Variants in DGKI observed in about 807,000 individuals in gnomAD.
The protein encoded by DGKI is diacylglycerol kinase iota.
A neutral mutation model predicts 147.5 loss-of-function variants in DGKI; 55 were observed. The observed-to-expected ratio is 0.37, with a 90% CI of 0.30 to 0.47. The LOEUF is 0.47. Among genes scored for constraint, DGKI ranks in the 20% least tolerant of loss-of-function variants. The pLI is 1.00. For synonymous variants in DGKI, 469 were observed against 477.1 expected, an observed-to-expected ratio of 0.98 and a Z score of 0.22; for missense variants, 1,007 against 1,323.8, an observed-to-expected ratio of 0.76 and a Z score of 3.71.
At chr7:137,505,095 G>T (rs558737214) in intron 21 of DGKI, among the ~76,000 whole-genome samples, 10 of 149,430 alleles carry the variant, frequency 6.7e-5, no homozygotes, top group Admixed American at 3.3e-4. Flanking sequence ...ATAGACAAAG[G>T]GGGGGAACAT....
chr7:137,681,883 G>C (rs1823248988), intron 2 of DGKI, among the ~76,000 whole-genome samples: 1 of 152,260 alleles, frequency 6.6e-6, no homozygotes, highest in Admixed American at 6.5e-5. Context: ...CCCCCAGAGG[G>C]GCTAGAGGCT....
At chr7:137,500,539 TAA>T (rs1351393100) in intron 21 of DGKI, among the ~76,000 whole-genome samples, 10 of 152,286 alleles carry the variant, frequency 6.6e-5, no homozygotes, top group Admixed American at 5.2e-4. Context: ...AAAAAACTTT[TAA>T]AGTCTATATA....
At chr7:137,699,875 G>A (rs183092978) in intron 1 of DGKI, among the ~76,000 whole-genome samples, 9 of 152,234 alleles carry the variant, frequency 5.9e-5, no homozygotes, top group African/African-American at 1.7e-4. Flanking sequence ...CCCACACAAG[G>A]CTGTCAACTG....
intron 1 of DGKI, among the ~76,000 whole-genome samples, chr7:137,822,485 C>G (rs1293111771): frequency 6.6e-6 from 1 of 152,046 alleles, no homozygotes; most frequent in Non-Finnish European, 1.5e-5. Context: ...GTGGAGGATT[C>G]TTCTCTGAGA....
At position 137,391,248 on chromosome 7, in the gene DGKI, C is replaced by A. The variant is rs776811524; in HGVS notation, c.3146G>T (p.Gly1049Val). 6.2e-7 allele frequency: 1 copy of A among 1,613,966 alleles called. No homozygotes were observed. The highest frequency in any genetic ancestry group is 1.1e-5 in the South Asian group (1 of 91,078). ...LESRQNYKVI[G>V]HEDLETAV ...AACAGCAGTTTCCAGGTCCTCATGG[C>A]CAATGACCTTATAGTTCTGACGGCT... is the stretch of plus-strand genomic sequence containing the variant. The change falls in exon 33 of 33, where the codon GGC (glycine) becomes GTC (valine). Residue 1049 changes from glycine (G) to valine (V), a missense_variant. Gly to Val is a moderately radical substitution (Grantham distance 109, BLOSUM62 -3). This residue lies in a region of DGKI where 385 missense variants were observed against 445.2 expected (regional missense o/e 0.86). Coordinates refer to ENST00000614521, the MANE Select transcript of DGKI (RefSeq NM_001321708.2).
At chr7:137,407,531 C>A (rs1168918955) in intron 30 of DGKI, among the ~76,000 whole-genome samples, 1 of 152,048 alleles carries the variant, frequency 6.6e-6, no homozygotes, top group East Asian at 1.9e-4. Context: ...GAATCCCAAC[C>A]CATTAATTTA....
At chr7:137,615,686 A>G (rs1004391876) in intron 8 of DGKI, among the ~76,000 whole-genome samples, 7 of 147,704 alleles carry the variant, frequency 4.7e-5, no homozygotes, top group Admixed American at 3.4e-4. Flanking sequence ...CCTCCAAATC[A>G]TGGCTAAAAC....
intron 1 of DGKI, among the ~76,000 whole-genome samples, chr7:137,715,707 A>G (rs148979691): frequency 2.2e-3 from 328 of 152,366 alleles, no homozygotes; most frequent in Non-Finnish European, 3.6e-3. Context: ...AGCAACAGGG[A>G]AAAGCATGTA....
intron 10 of DGKI, among the ~76,000 whole-genome samples, chr7:137,604,060 T>C (rs1418608789): frequency 6.6e-6 from 1 of 152,188 alleles, no homozygotes; most frequent in Non-Finnish European, 1.5e-5. Context: ...CAGGAGCTAG[T>C]TTGGGTCTTA....
intron 1 of DGKI, among the ~76,000 whole-genome samples, chr7:137,816,978 G>A (rs1797756216): frequency 1.3e-5 from 2 of 152,112 alleles, no homozygotes; most frequent in Non-Finnish European, 2.9e-5. Context: ...TAGCATCCCA[G>A]GAGTTATGAC....
chr7:137,466,890 A>C lies in DGKI; in HGVS notation c.2484+12T>G. On this transcript the variant is annotated intron_variant, in intron 25 of 32. Coordinates refer to ENST00000614521, the MANE Select transcript of DGKI (RefSeq NM_001321708.2). ...TTTTTCACTTTCACAAGCAGGCTGG[A>C]AAAAAACTTACCTGAGATCTGTCTA... is the stretch of plus-strand genomic sequence containing the variant. 6.2e-7 allele frequency: 1 copy of C among 1,613,844 alleles called. No individual in the cohort carries two copies. The highest frequency in any genetic ancestry group is 8.5e-7 in the Non-Finnish European group (1 of 1,179,760).
chr7:137,547,951 G>T (rs1021896345), intron 20 of DGKI, among the ~76,000 whole-genome samples: 2 of 152,136 alleles, frequency 1.3e-5, no homozygotes, highest in Non-Finnish European at 2.9e-5. Context: ...GCAAAACCAG[G>T]ATGATGTAGG....
chr7:137,398,835 T>C (rs1339980170), intron 30 of DGKI, among the ~76,000 whole-genome samples: 1 of 151,904 alleles, frequency 6.6e-6, no homozygotes. Context: ...CCTGGAACAT[T>C]ATTAGCATGC....
At chr7:137,410,831 G>A (rs1585087341) in intron 29 of DGKI, among the ~76,000 whole-genome samples, 1 of 152,226 alleles carries the variant, frequency 6.6e-6, no homozygotes, top group East Asian at 1.9e-4. Flanking sequence ...GGATGGTATG[G>A]GCTTAATCCA....
intron 7 of DGKI, among the ~76,000 whole-genome samples, chr7:137,621,305 T>C (rs187544882): frequency 6.6e-6 from 1 of 152,360 alleles, no homozygotes; most frequent in African/African-American, 2.4e-5. Context: ...CTCAAATGTA[T>C]GACCACTGCA....
chr7:137,521,488 A>G (rs1816959185), intron 21 of DGKI, among the ~76,000 whole-genome samples: 1 of 152,060 alleles, frequency 6.6e-6, no homozygotes, highest in African/African-American at 2.4e-5. Context: ...GAATGAGGGC[A>G]GTGTTTGATA....
intron 23 of DGKI, among the ~76,000 whole-genome samples, chr7:137,480,726 T>C (rs1428558255): frequency 6.6e-6 from 1 of 152,194 alleles, no homozygotes; most frequent in African/African-American, 2.4e-5. Context: ...AGTTAATTCT[T>C]AGAGAAAGTA....
intron 3 of DGKI, among the ~76,000 whole-genome samples, chr7:137,656,870 C>T (rs1185466575): frequency 2.0e-5 from 3 of 152,120 alleles, no homozygotes; most frequent in African/African-American, 7.2e-5. Flanking sequence ...GTTTCAGAAC[C>T]TTACAATATA....
At chr7:137,779,499 A>C in intron 1 of DGKI, among the ~76,000 whole-genome samples, 1 of 152,196 alleles carries the variant, frequency 6.6e-6, no homozygotes, top group East Asian at 1.9e-4. Flanking sequence ...GCTTATAAAA[A>C]TTACATTAAG....
Sources: allele counts gnomAD v4.1 joint callset (sites outside exome capture counted in the v4.1 genomes callset), GRCh38; gene constraint gnomAD v4.1.1; regional missense constraint gnomAD v4.1.1; transcripts MANE v1.5; gene names NCBI Gene and HGNC (gene_info 2026-07-23, HGNC 2026-07-21).